MGAT4A: variants seen among roughly 807,000 people sequenced by gnomAD.
The protein encoded by MGAT4A is alpha-1,3-mannosyl-glycoprotein 4-beta-N-acetylglucosaminyltransferase A, also known as N-acetylglucosaminyltransferase IVa.
Under a neutral mutation model 74.1 loss-of-function variants are expected in MGAT4A, and 33 were observed. The observed-to-expected ratio is 0.45, with a 90% confidence interval of 0.34 to 0.60. The LOEUF is 0.60. Ranked by LOEUF, MGAT4A falls within the 20% of genes least tolerant of loss-of-function variation. The pLI is 0.02. For missense variants in MGAT4A, 479 were observed against 628.3 expected (o/e 0.76, Z 2.54); for synonymous variants, 198 against 210.4 (o/e 0.94, Z 0.51).
intron 2 of MGAT4A, among the ~76,000 whole-genome samples, chr2:98,691,805 C>T (rs904618003): frequency 6.6e-6 from 1 of 152,062 alleles, no homozygotes; most frequent in African/African-American, 2.4e-5. Flanking sequence ...TGTGTGTTAC[C>T]GCCCCTGAAG....
chr2:98,646,522 C>T (rs1275631885), intron 8 of MGAT4A, among the ~76,000 whole-genome samples: 1 of 151,954 alleles, frequency 6.6e-6, no homozygotes, highest in Non-Finnish European at 1.5e-5. Context: ...GCCTAGGCAA[C>T]AGAGCAAGAC....
intron 12 of MGAT4A, among the ~76,000 whole-genome samples, chr2:98,637,518 G>A (rs1056466900): frequency 6.6e-6 from 1 of 152,124 alleles, no homozygotes; most frequent in Admixed American, 6.6e-5. Flanking sequence ...TTCTGGGTGT[G>A]AGTATAATAC....
At chr2:98,630,244 T>C (rs950363460) in intron 14 of MGAT4A, among the ~76,000 whole-genome samples, 1 of 152,038 alleles carries the variant, frequency 6.6e-6, no homozygotes, top group Admixed American at 6.6e-5. Context: ...ACAGAATCCA[T>C]CCATAGAGGA....
intron 2 of MGAT4A, among the ~76,000 whole-genome samples, chr2:98,691,217 G>GTC: frequency 6.6e-6 from 1 of 152,264 alleles, no homozygotes; most frequent in East Asian, 1.9e-4. Context: ...ACTTTGGAAG[G>GTC]TTGAGGCAAG....
intron 2 of MGAT4A, among the ~76,000 whole-genome samples, chr2:98,684,188 A>C (rs1176228313): frequency 6.6e-6 from 1 of 152,236 alleles, no homozygotes; most frequent in Non-Finnish European, 1.5e-5. Context: ...ACTTTAACAT[A>C]ACAGATGAAA....
At chr2:98,654,052 G>GA (rs1220594944) in intron 8 of MGAT4A, among the ~76,000 whole-genome samples, 1 of 151,484 alleles carries the variant, frequency 6.6e-6, no homozygotes, top group Non-Finnish European at 1.5e-5. Context: ...CAAAATGGAG[G>GA]AAAAAAACAC....
rs1347936647 is a variant in MGAT4A at position 98,620,332 on chromosome 2, GA to G, written c.*5233del. 16 of 152,144 alleles carry G rather than the reference GA, an allele frequency of 1.1e-4. No individual in the cohort carries two copies. The highest frequency in any genetic ancestry group is 2.2e-4 in the Non-Finnish European group (15 of 68,018). The allele number at this position is 152,144 out of a possible 1,614,324, so 9.4% of individuals were successfully genotyped here. ...ACTATAAATACTGCAACATAACTTGGAAAAGTTCCTTTTCTATAAAGGGATT... is the reference window on the plus strand; with the variant it reads ...ACTATAAATACTGCAACATAACTTGGAAAGTTCCTTTTCTATAAAGGGATT... On this transcript the variant is annotated 3_prime_UTR_variant, in exon 16 of 16. Coordinates refer to ENST00000393487, the MANE Select transcript of MGAT4A (RefSeq NM_012214.3).
Position 98,625,714 on chromosome 2 carries a change from T to G in MGAT4A, c.1581+9A>C. The G allele has an allele frequency of 6.3e-7, 1 of 1,596,062 alleles. No homozygotes were observed. Among genetic ancestry groups the G allele is most frequent in the Non-Finnish European group, 8.6e-7 (1 of 1,167,340 alleles). On this transcript the variant is annotated intron_variant, in intron 15 of 15. Transcript: ENST00000393487. Reference sequence around the variant, plus strand: ...TCTAAGTTGTTTCACTGATTTGATATATGCTTACCTCATTAAGAATGGCCC... The same window carrying G: ...TCTAAGTTGTTTCACTGATTTGATAGATGCTTACCTCATTAAGAATGGCCC...
At chr2:98,683,624 C>T (rs1303839832) in intron 2 of MGAT4A, among the ~76,000 whole-genome samples, 2 of 151,940 alleles carry the variant, frequency 1.3e-5, no homozygotes, top group Admixed American at 6.6e-5. Flanking sequence ...CTTTCATCAG[C>T]TCCTGAGTGG....
chr2:98,644,925 C>T (rs115932820), intron 9 of MGAT4A, among the ~76,000 whole-genome samples: 2,437 of 152,272 alleles, frequency 0.016, 57 homozygotes, highest in African/African-American at 0.056. Context: ...TGAGCCACTG[C>T]GCCTGGCTAA....
At chr2:98,642,240 A>G (rs1053445578) in intron 10 of MGAT4A, among the ~76,000 whole-genome samples, 3 of 152,114 alleles carry the variant, frequency 2.0e-5, no homozygotes, top group Non-Finnish European at 2.9e-5. Flanking sequence ...TTGAGGAGAG[A>G]GCAAAACCAC....
In MGAT4A at chr2:98,624,033, G is replaced by C. The variant is rs1287845819; in HGVS notation, c.*1533C>G. The C allele has an allele frequency of 2.0e-6, 2 of 978,550 alleles. No homozygotes were observed. The highest frequency in any genetic ancestry group is 1.8e-5 in the African/African-American group (1 of 56,670). The allele number at this position is 978,550 out of a possible 1,614,324, so 60.6% of individuals were successfully genotyped here. ...ATACTTCATCTTTTTTTTTTTTTGA[G>C]ACGGAGTCTAGCTGTGTCGCCCAGG... On this transcript the variant is annotated 3_prime_UTR_variant, in exon 16 of 16. Coordinates refer to ENST00000393487, the MANE Select transcript of MGAT4A (RefSeq NM_012214.3).
chr2:98,620,494 A>G lies in MGAT4A; in HGVS notation c.*5072T>C, dbSNP rs1331115059. ...ATCAAGGACATGGCAATACAGTAAA[A>G]ATAAGCAGAAAAATTAATGGACAAA... On this transcript the variant is annotated 3_prime_UTR_variant, in exon 16 of 16. Transcript: ENST00000393487. 4.6e-5 allele frequency: 7 copies of G among 152,220 alleles called. No homozygotes were observed. 9.4% of individuals were successfully genotyped at this position (152,220 alleles called of 1,614,324 possible).
chr2:98,619,367 C>A lies in MGAT4A; in HGVS notation c.*6199G>T, dbSNP rs1187017465. On this transcript the variant is annotated 3_prime_UTR_variant, in exon 16 of 16. Transcript: ENST00000393487. The stretch of plus-strand genomic sequence containing the variant: ...GAAGACATTTTAAGGAAAATATATA[C>A]AATACATTTAAGAAAAAAAAAAATC... The A allele has an allele frequency of 3.3e-5, 5 of 151,822 alleles. No individual in the cohort carries two copies. Among genetic ancestry groups the A allele is most frequent in the Non-Finnish European group, 4.4e-5 (3 of 67,944 alleles). 9.4% of individuals were successfully genotyped at this position (151,822 alleles called of 1,614,324 possible).
intron 12 of MGAT4A, among the ~76,000 whole-genome samples, chr2:98,637,584 T>A (rs1701341511): frequency 6.6e-6 from 1 of 152,042 alleles, no homozygotes; most frequent in Non-Finnish European, 1.5e-5. Flanking sequence ...GTTCTCAGGG[T>A]GTGGGGAAGG....
In MGAT4A at chr2:98,623,190, TA is replaced by T; in HGVS notation, c.*2375del. The T allele has an allele frequency of 1.0e-6, 1 of 985,378 alleles. No individual in the cohort carries two copies. Among genetic ancestry groups the T allele is most frequent in the Non-Finnish European group, 1.2e-6 (1 of 829,956 alleles). 61.0% of individuals were successfully genotyped at this position (985,378 alleles called of 1,614,324 possible). ...CCTGGAATGATAGGAAAGATTTGGC[TA>T]AAAGGAGTCTTGGGAACAAGAATGA... On this transcript the variant is annotated 3_prime_UTR_variant, in exon 16 of 16. Transcript: ENST00000393487.
chr2:98,677,801 A>ATTTTTTTTTT (rs70940122), intron 3 of MGAT4A, among the ~76,000 whole-genome samples: 1 of 121,354 alleles, frequency 8.2e-6, no homozygotes, highest in Non-Finnish European at 1.7e-5. Context: ...CAGGTAATAA[A>ATTTTTTTTTT]TTTTTTTTTT....
chr2:98,710,449 G>T (rs552149373), intron 2 of MGAT4A, among the ~76,000 whole-genome samples: 14 of 152,202 alleles, frequency 9.2e-5, no homozygotes, highest in African/African-American at 3.1e-4. Flanking sequence ...TTAATTTTGT[G>T]TCAGTTTGGG....
chr2:98,669,288 A>C (rs531919311), intron 4 of MGAT4A, among the ~76,000 whole-genome samples: 2 of 152,274 alleles, frequency 1.3e-5, no homozygotes, highest in Non-Finnish European at 1.5e-5. Context: ...TGTTCTCCTG[A>C]CAGTGAATAA....
Sources: allele counts gnomAD v4.1 joint callset (sites outside exome capture counted in the v4.1 genomes callset), GRCh38; gene constraint gnomAD v4.1.1; transcripts MANE v1.5; gene names NCBI Gene and HGNC (gene_info 2026-07-23, HGNC 2026-07-21).